The following DNAJC13 variants were observed in gnomAD, a reference collection of about 807,000 sequenced individuals.
The protein encoded by DNAJC13 is DnaJ heat shock protein family (Hsp40) member C13.
A neutral mutation model predicts 290.5 loss-of-function variants in DNAJC13; 75 were observed. The ratio of observed to expected loss-of-function variants is 0.26; its 90% CI spans 0.21 to 0.31. The LOEUF (loss-of-function observed/expected upper bound fraction) is 0.31, where lower values mean the gene tolerates loss of function less well. DNAJC13 is among the 10% of genes least tolerant of loss of function. DNAJC13 has a pLI of 1.00. For synonymous variants in DNAJC13, 862 were observed against 892.0 expected (o/e 0.97, Z 0.60); for missense variants, 2,260 against 2,674.5 (o/e 0.85, Z 3.42).
intron 52 of DNAJC13, 60 bp downstream of exon 52, chr3:132,525,849 G>T: frequency 6.5e-7 from 1 of 1,546,602 alleles, no homozygotes; most frequent in South Asian, 1.2e-5. Context: ...CTCCCTTCTT[G>T]ACGGATATAA....
chr3:132,476,083 A>G (rs1934462724), intron 22 of DNAJC13, among the ~76,000 whole-genome samples: 1 of 152,140 alleles, frequency 6.6e-6, no homozygotes, highest in South Asian at 2.1e-4. Flanking sequence ...AGAGGCTTGC[A>G]CCACCATGCC....
At chr3:132,494,586 T>C (rs568770745) in intron 34 of DNAJC13, among the ~76,000 whole-genome samples, 1 of 152,276 alleles carries the variant, frequency 6.6e-6, no homozygotes, top group African/African-American at 2.4e-5. Context: ...GTATTATGCA[T>C]GTGGAAGAGA....
At position 132,434,636 on chromosome 3, in the gene DNAJC13, G is replaced by GTTTT; in HGVS notation, c.68+24_68+27dup. The GTTTT allele has an allele frequency of 1.9e-6, 3 of 1,558,502 alleles. No homozygotes were observed. In the South Asian group the frequency reaches 3.5e-5, roughly 18 times the overall value. ...AGGGGGAAGTAAGTATTCTTGTTGG[G>GTTTT]TTTTTTTTTCTGTGCTTCTATAAAA... On this transcript the variant is annotated intron_variant, in intron 2 of 55. Transcript: ENST00000260818.
intron 2 of DNAJC13, among the ~76,000 whole-genome samples, chr3:132,438,050 CA>C (rs35454328): frequency 0.53 from 57,727 of 108,968 alleles, 12,489 homozygotes; most frequent in East Asian, 0.81. Flanking sequence ...GACCGTGTCT[CA>C]AAAAAAAAAA....
At chr3:132,486,482 G>A (rs1025104497) in intron 29 of DNAJC13, among the ~76,000 whole-genome samples, 5 of 151,402 alleles carry the variant, frequency 3.3e-5, no homozygotes, top group Non-Finnish European at 7.4e-5. Context: ...TGAAGCTTGG[G>A]GGAGGGAGGC....
At chr3:132,511,759 C>G (rs1935784754) in intron 44 of DNAJC13, among the ~76,000 whole-genome samples, 1 of 152,110 alleles carries the variant, frequency 6.6e-6, no homozygotes, top group South Asian at 2.1e-4. Context: ...TCTAGCCTGA[C>G]TCCAGGGAGA....
intron 13 of DNAJC13, 143 bp downstream of exon 13, chr3:132,457,511 T>C (rs1361010356): frequency 4.6e-6 from 3 of 647,414 alleles, no homozygotes; most frequent in Admixed American, 6.2e-5. Context: ...AACCTTTGTT[T>C]AGCATATCCT....
chr3:132,457,886 G>A (rs1292559396), intron 13 of DNAJC13: 1 of 152,530 alleles, frequency 6.6e-6, no homozygotes, highest in African/African-American at 2.4e-5. Context: ...GTAATTAGGA[G>A]TTGCAGCTAG....
In DNAJC13 at chr3:132,502,484, C is replaced by T. The variant is rs776910647; in HGVS notation, c.4716+16C>T. On this transcript the variant is annotated intron_variant, in intron 40 of 55. Coordinates refer to ENST00000260818, the MANE Select transcript of DNAJC13 (RefSeq NM_015268.4). The stretch of plus-strand genomic sequence containing the variant: ...AAACCAGCAGGTAACTTTAACATTG[C>T]TTTAATATTGAATTTGAACCCAAAC... The T allele has an allele frequency of 1.3e-6, 2 of 1,583,140 alleles. No individual in the cohort carries two copies. Among genetic ancestry groups the T allele is most frequent in the East Asian group, 2.3e-5 (1 of 44,274 alleles).
chr3:132,435,118 A>G (rs571505285), intron 2 of DNAJC13, among the ~76,000 whole-genome samples: 7 of 152,102 alleles, frequency 4.6e-5, no homozygotes, highest in Admixed American at 2.6e-4. Flanking sequence ...GTAGCTTCCT[A>G]GTCAGACCAA....
intron 1 of DNAJC13, among the ~76,000 whole-genome samples, chr3:132,429,277 A>C (rs1438004953): frequency 6.6e-6 from 1 of 152,084 alleles, no homozygotes; most frequent in Non-Finnish European, 1.5e-5. Context: ...CAAATGATAC[A>C]TCTGTAATTA....
intron 2 of DNAJC13, among the ~76,000 whole-genome samples, chr3:132,436,229 C>A (rs1939381753): frequency 6.6e-6 from 1 of 152,132 alleles, no homozygotes; most frequent in African/African-American, 2.4e-5. Context: ...CCTTTTTCCC[C>A]CTCTTTTGGC....
At position 132,525,937 on chromosome 3, in the gene DNAJC13, G is replaced by A. The variant is rs188123135; in HGVS notation, c.6240+148G>A. 7,538 of 1,202,792 alleles carry A rather than the reference G, an allele frequency of 6.3e-3. 30 individuals carry two copies. Among genetic ancestry groups the A allele is most frequent in the Non-Finnish European group, 7.3e-3 (6,428 of 884,544 alleles). 74.5% of individuals were successfully genotyped at this position (1,202,792 alleles called of 1,614,324 possible). A position where few individuals can be genotyped will look rare whatever the true frequency, so the allele number is the denominator to read the frequency against. ...CCACATGGTATTTTATTAGTTCTGG[G>A]TTTATCAAAACTGGTATTTATCAAA... On this transcript the variant is annotated intron_variant, in intron 52 of 55. Coordinates refer to ENST00000260818, the MANE Select transcript of DNAJC13 (RefSeq NM_015268.4).
chr3:132,501,301 G>C (rs1935402097), intron 39 of DNAJC13, among the ~76,000 whole-genome samples: 2 of 152,180 alleles, frequency 1.3e-5, no homozygotes, highest in African/African-American at 2.4e-5. Context: ...AGGAGTTCAA[G>C]ACCAGCCTGG....
intron 2 of DNAJC13, among the ~76,000 whole-genome samples, chr3:132,443,438 T>G (rs576566138): frequency 1.3e-5 from 2 of 152,226 alleles, no homozygotes; most frequent in Non-Finnish European, 2.9e-5. Flanking sequence ...CAGGTGTGAG[T>G]CATTGTGCTT....
chr3:132,484,369 GT>G, intron 28 of DNAJC13: 2 of 586,406 alleles, frequency 3.4e-6, no homozygotes, highest in Non-Finnish European at 3.1e-6. Flanking sequence ...CTAGGGTACT[GT>G]TTTTCAAGGA....
rs550856494 is a variant in DNAJC13, at chr3:132,417,564, AGAGGGAGGAGGCG to A, written c.-204_-192del. ...CCTCCAGAGTGAAACTCTGAGAGGC[AGAGGGAGGAGGCG>A]GAGGGGGCGGGGAGGCAGCGCCGCG... On this transcript the variant is annotated 5_prime_UTR_variant, in exon 1 of 56. Transcript: ENST00000260818. 166 of 152,050 alleles carry A rather than the reference AGAGGGAGGAGGCG, an allele frequency of 1.1e-3. No homozygotes were observed. The highest frequency in any genetic ancestry group is 3.9e-3 in the African/African-American group (160 of 41,442). 9.4% of individuals were successfully genotyped at this position (152,050 alleles called of 1,614,324 possible).
rs190965227 is a variant in DNAJC13 at position 132,465,282 on chromosome 3, T to C, written c.1893-713T>C. Among the ~76,000 whole-genome samples, 430 of 152,246 alleles carry C rather than the reference T, an allele frequency of 2.8e-3. 2 individuals carry two copies. The highest frequency in any genetic ancestry group is 0.01 in the African/African-American group (417 of 41,566). On this transcript the variant is annotated intron_variant, in intron 17 of 55. Transcript: ENST00000260818. ...CTCATAGGTTTCATGACCATTCTTA[T>C]AGCTATGGTAATTGAATCCCCACCA...
chr3:132,533,333 C>CTTTTTTTT (rs1180651951), intron 55 of DNAJC13, among the ~76,000 whole-genome samples: 2 of 115,710 alleles, frequency 1.7e-5, no homozygotes, highest in African/African-American at 3.5e-5. Flanking sequence ...TGCCCGCCCT[C>CTTTTTTTT]TTTTTTTTTT....
Sources: gnomAD v4.1 joint callset for allele counts (sites outside exome capture counted in the v4.1 genomes callset) on GRCh38, gnomAD v4.1.1 for gene constraint, MANE v1.5 for transcripts, NCBI Gene and HGNC (gene_info 2026-07-23, HGNC 2026-07-21) for gene names.